The following E2F2 variants were observed in gnomAD, a reference collection of about 807,000 sequenced individuals.
E2F2 encodes transcription factor E2F2.
In E2F2, 22 loss-of-function variants were observed where a neutral mutation model predicts 42.2. The observed-to-expected ratio is 0.52, with a 90% CI of 0.37 to 0.74. The LOEUF is 0.74. Ranked by LOEUF, E2F2 falls within the 30% of genes least tolerant of loss-of-function variation. The pLI, the probability that E2F2 is intolerant of heterozygous loss-of-function variation, is 0.00. For missense variants in E2F2, 481 were observed against 557.8 expected, an observed-to-expected ratio of 0.86 and a Z score of 1.39; for synonymous variants, 248 against 251.6, an observed-to-expected ratio of 0.99 and a Z score of 0.13.
intron 5 of E2F2, among the ~76,000 whole-genome samples, chr1:23,516,926 C>G (rs1412999702): frequency 6.6e-6 from 1 of 152,056 alleles, no homozygotes; most frequent in Non-Finnish European, 1.5e-5. Flanking sequence ...GCACTAGGCC[C>G]AGGACTTTTG....
rs1359911204 is a variant in E2F2 at position 23,506,562 on chromosome 1, A to G, written c.*3318T>C. The G allele has an allele frequency of 6.6e-6, 1 of 152,300 alleles. No individual in the cohort carries two copies. The highest frequency in any genetic ancestry group is 6.5e-5 in the Admixed American group (1 of 15,286). 9.4% of individuals were successfully genotyped at this position (152,300 alleles called of 1,614,324 possible). On this transcript the variant is annotated 3_prime_UTR_variant, in exon 7 of 7. Transcript: ENST00000361729. Reference sequence around the variant, plus strand: ...CCGCATGAGTCCCAGCACGGGGACCATGTTCTCTCGGTTCCAGCTCACCCT... The same window carrying G: ...CCGCATGAGTCCCAGCACGGGGACCGTGTTCTCTCGGTTCCAGCTCACCCT...
rs974204423 is a variant in E2F2, at chr1:23,508,423, C to T, written c.*1457G>A. ...AGGGGTGGATGGCAGGCCTCTCAGA[C>T]CAACCCCTGAGCCTCTCTCCAGAAG... On this transcript the variant is annotated 3_prime_UTR_variant, in exon 7 of 7. Coordinates refer to ENST00000361729, the MANE Select transcript of E2F2 (RefSeq NM_004091.4). The T allele has an allele frequency of 2.0e-5, 3 of 152,328 alleles. No individual in the cohort carries two copies. Among genetic ancestry groups the T allele is most frequent in the Admixed American group, 6.5e-5 (1 of 15,286 alleles). 9.4% of individuals were successfully genotyped at this position (152,328 alleles called of 1,614,324 possible). A position where few individuals can be genotyped will look rare whatever the true frequency, so the allele number is the denominator to read the frequency against.
rs1570463792 is a variant in E2F2 at position 23,519,278 on chromosome 1, T to C, written c.738-148A>G. On this transcript the variant is annotated intron_variant, in intron 4 of 6. Transcript: ENST00000361729. ...CTTAGAAATAATACAATCTGTAACC[T>C]GTTAATCTCATAAGCTACCTTAGAT... 5 of 509,410 alleles carry C rather than the reference T, an allele frequency of 9.8e-6. No homozygotes were observed. In the East Asian group the frequency reaches 1.6e-4, roughly 16 times the overall value. 31.6% of individuals were successfully genotyped at this position (509,410 alleles called of 1,614,324 possible).
chr1:23,519,125 G>A lies in E2F2; in HGVS notation c.743C>T (p.Ala248Val). The A allele has an allele frequency of 6.2e-7, 1 of 1,613,124 alleles. No homozygotes were observed. The highest frequency in any genetic ancestry group is 8.5e-7 in the Non-Finnish European group (1 of 1,179,380). Reference protein sequence around the residue: ...LTEDKANKRLAYVTYQDIRAV... With the variant: ...LTEDKANKRLVYVTYQDIRAV... ...ACGGATATCCTGGTAAGTCACATAG[G>A]CCAGCGTAGGGCAGGAGAGTCAAGA... The change falls in exon 5 of 7, where the codon GCC becomes GTC. Residue 248 changes from alanine (A) to valine (V), a missense_variant. Ala to Val is a moderately conservative substitution (Grantham distance 64, BLOSUM62 0). Coordinates refer to ENST00000361729, the MANE Select transcript of E2F2 (RefSeq NM_004091.4).
In E2F2 at chr1:23,516,519, C is replaced by A; in HGVS notation, c.861G>T (p.Leu287=). ...CTTGGGTGCTCTTGAGATATATCTG[C>A]AGGTTGTCCTGGAGGAGGAAGAGAA... ...LEVPDRTEDN[L]QIYLKSTQGP... is the part of the protein sequence containing the mutation. The change falls in exon 6 of 7, where the codon CTG becomes CTT. Residue 287 remains leucine, a synonymous_variant. Transcript: ENST00000361729. 3.1e-6 allele frequency: 5 copies of A among 1,604,146 alleles called. No homozygotes were observed. The highest frequency in any genetic ancestry group is 4.3e-6 in the Non-Finnish European group (5 of 1,175,776).
At chr1:23,520,089 A>AG (rs1643107267) in intron 4 of E2F2, among the ~76,000 whole-genome samples, 1 of 150,600 alleles carries the variant, frequency 6.6e-6, no homozygotes, top group African/African-American at 2.5e-5. Context: ...AAAAAAAAAA[A>AG]AAAAAAATTA....
In E2F2 at chr1:23,508,690, G is replaced by A. The variant is rs773965953; in HGVS notation, c.*1190C>T. On this transcript the variant is annotated 3_prime_UTR_variant, in exon 7 of 7. Transcript: ENST00000361729. Reference sequence around the variant, plus strand: ...CCCTTCAGTATACCTGGGAAAAAAGGAGTGAACAAGTCACCAAGCCCCAGT... The same window carrying A: ...CCCTTCAGTATACCTGGGAAAAAAGAAGTGAACAAGTCACCAAGCCCCAGT... 3 of 152,132 alleles carry A rather than the reference G, an allele frequency of 2.0e-5. No individual in the cohort carries two copies. Among genetic ancestry groups the A allele is most frequent in the Admixed American group, 1.3e-4 (2 of 15,262 alleles). The allele number at this position is 152,132 out of a possible 1,614,324, so 9.4% of individuals were successfully genotyped here. A position where few individuals can be genotyped will look rare whatever the true frequency, so the allele number is the denominator to read the frequency against.
chr1:23,524,312 AGT>A, intron 2 of E2F2, 69 bp downstream of exon 2: 1 of 1,162,176 alleles, frequency 8.6e-7, no homozygotes. Context: ...TATGACTACC[AGT>A]GATTGGGCAG....
rs1468243741 is a variant in E2F2, at chr1:23,506,890, CCA to C, written c.*2988_*2989del. 6.6e-6 allele frequency: 1 copy of C among 152,444 alleles called. No homozygotes were observed. Among genetic ancestry groups the C allele is most frequent in the African/African-American group, 2.4e-5 (1 of 41,448 alleles). 9.4% of individuals were successfully genotyped at this position (152,444 alleles called of 1,614,324 possible). A position where few individuals can be genotyped will look rare whatever the true frequency, so the allele number is the denominator to read the frequency against. On this transcript the variant is annotated 3_prime_UTR_variant, in exon 7 of 7. Coordinates refer to ENST00000361729, the MANE Select transcript of E2F2 (RefSeq NM_004091.4). ...GAACAAAGTCAGAACCATCCTAAAGCCAGTTTTTCAAGCTTGACCACCTCCCT... is the reference window on the plus strand; with the variant it reads ...GAACAAAGTCAGAACCATCCTAAAGCGTTTTTCAAGCTTGACCACCTCCCT...
intron 1 of E2F2, among the ~76,000 whole-genome samples, chr1:23,525,602 G>C (rs535106795): frequency 2.0e-4 from 31 of 152,308 alleles, no homozygotes; most frequent in African/African-American, 7.2e-4. Flanking sequence ...CCTGGAACAG[G>C]CTGAATTAAT....
intron 4 of E2F2, among the ~76,000 whole-genome samples, chr1:23,520,592 A>G (rs1044104798): frequency 7.2e-5 from 11 of 152,028 alleles, no homozygotes; most frequent in African/African-American, 2.7e-4. Flanking sequence ...AAAAATAAAG[A>G]ATTAGCCAGG....
rs1461098812 is a variant in E2F2 at position 23,508,929 on chromosome 1, A to G, written c.*951T>C. 6.6e-6 allele frequency: 1 copy of G among 152,248 alleles called. No individual in the cohort carries two copies. The highest frequency in any genetic ancestry group is 2.4e-5 in the African/African-American group (1 of 41,440). The allele number at this position is 152,248 out of a possible 1,614,324, so 9.4% of individuals were successfully genotyped here. A position where few individuals can be genotyped will look rare whatever the true frequency, so the allele number is the denominator to read the frequency against. ...CTCTGCCTACCAAGTCCTTGGTGCA[A>G]AATGGCTCCTGGACCAGCGCAAGGC... On this transcript the variant is annotated 3_prime_UTR_variant, in exon 7 of 7. Coordinates refer to ENST00000361729, the MANE Select transcript of E2F2 (RefSeq NM_004091.4).
At chr1:23,520,496 C>T (rs573478403) in intron 4 of E2F2, among the ~76,000 whole-genome samples, 2 of 152,170 alleles carry the variant, frequency 1.3e-5, no homozygotes, top group African/African-American at 4.8e-5. Context: ...GTAATCTCAG[C>T]ACTTTGGGAG....
intron 6 of E2F2, among the ~76,000 whole-genome samples, chr1:23,515,527 AT>A (rs1021655361): frequency 1.0e-4 from 15 of 147,694 alleles, no homozygotes; most frequent in South Asian, 2.1e-4. Context: ...TCTATGTCTT[AT>A]TTTTTTTTTA....
Position 23,528,449 on chromosome 1 carries a change from G to A in E2F2, c.252+2093C>T, listed in dbSNP as rs149997117. 8.7e-4 allele frequency among the ~76,000 whole-genome samples: 132 copies of A among 152,278 alleles called. 1 individual carries two copies. The highest frequency in any genetic ancestry group is 3.1e-3 in the African/African-American group (129 of 41,570). On this transcript the variant is annotated intron_variant, in intron 1 of 6. Coordinates refer to ENST00000361729, the MANE Select transcript of E2F2 (RefSeq NM_004091.4). ...AGGCCTGCCCACGGGGCTGGGCCCC[G>A]GGCATCTGGGGATTGACAGGAGCGG...
In E2F2 at chr1:23,530,907, C is replaced by T; in HGVS notation, c.-114G>A. On this transcript the variant is annotated 5_prime_UTR_variant, in exon 1 of 7. Coordinates refer to ENST00000361729, the MANE Select transcript of E2F2 (RefSeq NM_004091.4). This position sits in a 1 kb window ranked among gnomAD's most constrained non-coding sequence, Gnocchi z 4.4. ...GGCATGGCGCGGAGGCCGGGGGAAG[C>T]CGCCAATGGACGCCTGCGGGGCAAG... 1 of 1,332,826 alleles carries T rather than the reference C, an allele frequency of 7.5e-7. No individual in the cohort carries two copies. The allele number at this position is 1,332,826 out of a possible 1,614,324, so 82.6% of individuals were successfully genotyped here.
In E2F2 at chr1:23,521,601, G is replaced by A. The variant is rs1442548726; in HGVS notation, c.578+236C>T. ...CAGATGTCATTCTCCACTCTGCCCCGCATCACGTTCTCCGATTACTTCAGC... is the reference window on the plus strand; with the variant it reads ...CAGATGTCATTCTCCACTCTGCCCCACATCACGTTCTCCGATTACTTCAGC... On this transcript the variant is annotated intron_variant, in intron 3 of 6. Transcript: ENST00000361729. 8 of 985,220 alleles carry A rather than the reference G, an allele frequency of 8.1e-6. No homozygotes were observed. The South Asian group carries it at 3.8e-4, about 46-fold the overall frequency. The allele number at this position is 985,220 out of a possible 1,614,324, so 61.0% of individuals were successfully genotyped here.
At chr1:23,510,206 G>C in intron 6 of E2F2, 58 bp from the exon 7 acceptor site, 1 of 1,470,278 alleles carries the variant, frequency 6.8e-7, no homozygotes, top group Non-Finnish European at 9.0e-7. Flanking sequence ...CTCAGCACGC[G>C]AGGACAGACT....
chr1:23,512,017 G>T (rs1642919023), intron 6 of E2F2, among the ~76,000 whole-genome samples: 1 of 152,060 alleles, frequency 6.6e-6, no homozygotes, highest in South Asian at 2.1e-4. Context: ...GGCCAACATG[G>T]TGAAACACCG....
Sources: allele counts gnomAD v4.1 joint callset (sites outside exome capture counted in the v4.1 genomes callset), GRCh38; gene constraint gnomAD v4.1.1; non-coding constraint Gnocchi (gnomAD v3.1); transcripts MANE v1.5; gene names NCBI Gene and HGNC (gene_info 2026-07-23, HGNC 2026-07-21).